FAM118B: variants seen among roughly 807,000 people sequenced by gnomAD.
The protein encoded by FAM118B is SIR2 antiphage like 1.
A neutral mutation model predicts 38.5 loss-of-function variants in FAM118B; 24 were observed. The ratio of observed to expected loss-of-function variants is 0.62; its 90% CI spans 0.45 to 0.88. The LOEUF (loss-of-function observed/expected upper bound fraction) is 0.88, where lower values mean the gene tolerates loss of function less well. FAM118B is among the 40% of genes least tolerant of loss of function. The pLI, the probability that FAM118B is intolerant of heterozygous loss-of-function variation, is 0.00. For missense variants in FAM118B, 334 were observed against 420.0 expected, an observed-to-expected ratio of 0.80 and a Z score of 1.79; for synonymous variants, 138 against 156.3, an observed-to-expected ratio of 0.88 and a Z score of 0.87.
intron 3 of FAM118B, among the ~76,000 whole-genome samples, chr11:126,236,221 C>T: frequency 6.6e-6 from 1 of 152,164 alleles, no homozygotes. Context: ...TGGTGCACGC[C>T]TTTGTTTTCC....
intron 3 of FAM118B, among the ~76,000 whole-genome samples, chr11:126,238,516 T>C (rs532848088): frequency 2.0e-5 from 3 of 152,238 alleles, no homozygotes; most frequent in Admixed American, 6.5e-5. Flanking sequence ...AGGTACAGAG[T>C]TGATTCCTAG....
rs187454530 is a variant in FAM118B, at chr11:126,248,425, C to T, written c.340-2081C>T. Among the ~76,000 whole-genome samples the T allele has an allele frequency of 6.0e-3, 683 of 113,000 alleles. 8 individuals carry two copies. Among genetic ancestry groups the T allele is most frequent in the African/African-American group, 0.021 (629 of 29,552 alleles). The allele number at this position is 113,000 out of a possible 152,430, so 74.1% of individuals were successfully genotyped here. On this transcript the variant is annotated intron_variant, in intron 4 of 8. Coordinates refer to ENST00000533050, the MANE Select transcript of FAM118B (RefSeq NM_024556.4). ...CGCTCTTGTTGCCCAGGCTGGAGTG[C>T]AATGGTGCGATCTTGGCTCACTACA...
chr11:126,242,684 G>C (rs1950374236), intron 4 of FAM118B, among the ~76,000 whole-genome samples: 2 of 152,170 alleles, frequency 1.3e-5, no homozygotes. Flanking sequence ...ACCACAACAA[G>C]GTGCCATTTC....
At chr11:126,259,320 A>G (rs535012440) in intron 7 of FAM118B, among the ~76,000 whole-genome samples, 1 of 152,204 alleles carries the variant, frequency 6.6e-6, no homozygotes, top group African/African-American at 2.4e-5. Context: ...ATTGTCTTCA[A>G]AGGATTCTAT....
At chr11:126,249,842 C>T (rs1404600673) in intron 4 of FAM118B, among the ~76,000 whole-genome samples, 1 of 151,746 alleles carries the variant, frequency 6.6e-6, no homozygotes, top group East Asian at 1.9e-4. Flanking sequence ...GAAAGTGTTG[C>T]CTTCTTACCT....
chr11:126,215,933 G>A (rs567477693), intron 1 of FAM118B, among the ~76,000 whole-genome samples: 4 of 151,994 alleles, frequency 2.6e-5, no homozygotes, highest in African/African-American at 9.7e-5. Flanking sequence ...ATTTGAGCCC[G>A]GGAATTCAAG....
In FAM118B at chr11:126,240,826, CG is replaced by C; in HGVS notation, c.122del (p.Arg41GlnfsTer5). Reference protein sequence around the residue: ...LLPSLKTKKPRELVLVIGTGI... With the variant: ...LLPSLKTKKPXELVLVIGTGI... The stretch of plus-strand genomic sequence containing the variant: ...TCCAAGCTTAAAAACTAAGAAGCCT[CG>C]AGAACTTGTGCTAGTGATTGGAACA... On this transcript the variant is annotated frameshift_variant, in exon 4 of 9. Coordinates refer to ENST00000533050, the MANE Select transcript of FAM118B (RefSeq NM_024556.4). LOFTEE classifies it high-confidence loss of function. 2 of 1,610,524 alleles carry C rather than the reference CG, an allele frequency of 1.2e-6. No homozygotes were observed. Among genetic ancestry groups the C allele is most frequent in the Non-Finnish European group, 1.7e-6 (2 of 1,178,804 alleles).
In FAM118B at chr11:126,254,313, G is replaced by A; in HGVS notation, c.576G>A (p.Glu192=). ...LDLTDEKKVL[E]WAQEKRKLSV... ...ATATGTGTGTTGTGCAGGTCCTCGA[G>A]TGGGCTCAGGAGAAGCGTAAGCTGA... Residue 192 remains glutamate (E), a synonymous_variant, in exon 6 of 9, where the codon GAG becomes GAA. Transcript: ENST00000533050. The A allele has an allele frequency of 1.2e-6, 2 of 1,614,028 alleles. No individual in the cohort carries two copies. Among genetic ancestry groups the A allele is most frequent in the Non-Finnish European group, 1.7e-6 (2 of 1,179,960 alleles).
intron 4 of FAM118B, among the ~76,000 whole-genome samples, chr11:126,242,072 G>A (rs1950367115): frequency 6.6e-6 from 1 of 150,844 alleles, no homozygotes; most frequent in African/African-American, 2.4e-5. Context: ...AAGAGTTCAT[G>A]GAATCTCCAT....
intron 1 of FAM118B, among the ~76,000 whole-genome samples, chr11:126,215,651 C>T (rs946620540): frequency 3.4e-5 from 5 of 145,082 alleles, no homozygotes; most frequent in Non-Finnish European, 7.4e-5. Flanking sequence ...GAGCCAAGAT[C>T]GCGCCACTGC....
At chr11:126,224,804 C>T (rs1342535977) in intron 1 of FAM118B, among the ~76,000 whole-genome samples, 1 of 152,150 alleles carries the variant, frequency 6.6e-6, no homozygotes, top group East Asian at 1.9e-4. Context: ...GTGAGAATAT[C>T]TTGGCTTCCT....
intron 7 of FAM118B, among the ~76,000 whole-genome samples, chr11:126,258,996 C>T (rs957510116): frequency 1.1e-4 from 17 of 152,162 alleles, no homozygotes; most frequent in African/African-American, 3.6e-4. Flanking sequence ...TAGCTTTCCC[C>T]GAAGTTACCC....
intron 1 of FAM118B, among the ~76,000 whole-genome samples, chr11:126,215,444 A>T (rs555348760): frequency 6.6e-6 from 1 of 152,292 alleles, no homozygotes; most frequent in African/African-American, 2.4e-5. Flanking sequence ...TACGCCTGTA[A>T]CCCTAGCACT....
In FAM118B at chr11:126,262,447, C is replaced by G. The variant is rs1353471994; in HGVS notation, c.*314C>G. ...CCAATGTGATACTTCCACTGACCGG[C>G]TGCAGCTCTGCATGAAGGACTCGGG... On this transcript the variant is annotated 3_prime_UTR_variant, in exon 9 of 9. Coordinates refer to ENST00000533050, the MANE Select transcript of FAM118B (RefSeq NM_024556.4). 2.7e-6 allele frequency: 1 copy of G among 376,946 alleles called. No individual in the cohort carries two copies. The highest frequency in any genetic ancestry group is 2.1e-5 in the African/African-American group (1 of 48,220). The allele number at this position is 376,946 out of a possible 1,614,324, so 23.4% of individuals were successfully genotyped here.
intron 4 of FAM118B, among the ~76,000 whole-genome samples, chr11:126,246,657 G>A (rs1163163184): frequency 1.3e-5 from 2 of 152,042 alleles, no homozygotes; most frequent in South Asian, 2.1e-4. Context: ...GCCCAGGCTG[G>A]TGTTGAACTC....
At position 126,250,600 on chromosome 11, in the gene FAM118B, T is replaced by C. The variant is rs769640720; in HGVS notation, c.434T>C (p.Leu145Pro). The C allele has an allele frequency of 8.1e-6, 13 of 1,613,894 alleles. No homozygotes were observed. The highest frequency in any genetic ancestry group is 7.7e-5 in the South Asian group (7 of 91,078). The change falls in exon 5 of 9, where the codon CTA (leucine) becomes CCA (proline). Residue 145 changes from leucine to proline, a missense_variant. Coordinates refer to ENST00000533050, the MANE Select transcript of FAM118B (RefSeq NM_024556.4). The surrounding 1 kb of genome is among the most constrained non-coding windows in gnomAD (Gnocchi z 5.1). ...ESKMEDSGKQ[L>P]LQSVLHLMEN... ...AAGATGGAAGATTCTGGAAAACAGC[T>C]ACTTCAGTCAGTTCTCCACCTGATG...
At chr11:126,251,046 G>T (rs1485554690) in intron 5 of FAM118B, among the ~76,000 whole-genome samples, 1 of 152,156 alleles carries the variant, frequency 6.6e-6, no homozygotes, top group Non-Finnish European at 1.5e-5. Flanking sequence ...GTGTAATATT[G>T]ATAATGCTGG....
intron 4 of FAM118B, among the ~76,000 whole-genome samples, chr11:126,249,804 C>T (rs958531086): frequency 8.7e-5 from 13 of 150,050 alleles, no homozygotes; most frequent in East Asian, 3.9e-4. Flanking sequence ...GTCTCAGTGG[C>T]GTTTCCCTAC....
Position 126,262,355 on chromosome 11 carries a change from C to T in FAM118B, c.*222C>T. On this transcript the variant is annotated 3_prime_UTR_variant, in exon 9 of 9. Transcript: ENST00000533050. ...TGTTCAAGTTCAAGAATAAAAGCGA[C>T]AGCAGGACCCAAATGCAGCTCCCAA... 1.7e-6 allele frequency: 1 copy of T among 572,244 alleles called. No individual in the cohort carries two copies. The highest frequency in any genetic ancestry group is 2.2e-5 in the South Asian group (1 of 46,034). 35.4% of individuals were successfully genotyped at this position (572,244 alleles called of 1,614,324 possible). A position where few individuals can be genotyped will look rare whatever the true frequency, so the allele number is the denominator to read the frequency against.
Sources: gnomAD v4.1 joint callset for allele counts (sites outside exome capture counted in the v4.1 genomes callset) on GRCh38, gnomAD v4.1.1 for gene constraint, Gnocchi (gnomAD v3.1) non-coding constraint, MANE v1.5 for transcripts, NCBI Gene and HGNC (gene_info 2026-07-23, HGNC 2026-07-21) for gene names.